Variants in BSND observed in about 807,000 individuals in gnomAD.
BSND encodes the protein barttin CLCNK type accessory subunit beta, also known as barttin.
In BSND, 13 loss-of-function variants were observed where a neutral mutation model predicts 18.8. That is an observed-to-expected ratio of 0.69 (90% CI 0.45 to 1.10). The LOEUF is 1.10. BSND is among the 50% of genes least tolerant of loss of function. The probability of loss-of-function intolerance (pLI) is 0.00; values close to 1 mark genes in which losing one functional copy is unlikely to be tolerated. For missense variants in BSND, 379 were observed against 416.7 expected (o/e 0.91, Z 0.79); for synonymous variants, 170 against 161.8 (o/e 1.05, Z -0.39).
intron 2 of BSND, among the ~76,000 whole-genome samples, chr1:55,006,230 G>A (rs1053370920): frequency 4.6e-5 from 7 of 152,200 alleles, no homozygotes; most frequent in Non-Finnish European, 1.0e-4. Context: ...CCAGAGCTCC[G>A]TCTCAGGGCC....
In BSND at chr1:55,008,624, G is replaced by A. The variant is rs895072929; in HGVS notation, c.959G>A (p.Gly320Asp). 1 of 1,614,018 alleles carries A rather than the reference G, an allele frequency of 6.2e-7. No individual in the cohort carries two copies. Among genetic ancestry groups the A allele is most frequent in the African/African-American group, 1.3e-5 (1 of 74,922 alleles). The change falls in exon 4 of 4, where the codon GGC becomes GAC. Residue 320 changes from glycine (G) to aspartate (D), a missense_variant. Transcript: ENST00000651561. ...CTGGGTTTTGAGCCTGACACCCAAG[G>A]CTGAGATGTTTGTGCTCCGTAGCTT... ...KELGFEPDTQ[G>D]
chr1:55,006,579 A>G (rs1004716033), intron 2 of BSND, among the ~76,000 whole-genome samples: 1 of 152,190 alleles, frequency 6.6e-6, no homozygotes, highest in Non-Finnish European at 1.5e-5. Flanking sequence ...ATTGCTGGGT[A>G]TGTCCTCATC....
intron 1 of BSND, among the ~76,000 whole-genome samples, chr1:55,000,606 C>T (rs1202530710): frequency 6.6e-6 from 1 of 152,266 alleles, no homozygotes; most frequent in East Asian, 1.9e-4. Flanking sequence ...GGGGATGGCT[C>T]CCTGGGGCCT....
At position 54,999,239 on chromosome 1, in the gene BSND, T is replaced by C; in HGVS notation, c.53T>C (p.Leu18Pro). 1.9e-6 allele frequency: 3 copies of C among 1,614,186 alleles called. No individual in the cohort carries two copies. Among genetic ancestry groups the C allele is most frequent in the Non-Finnish European group, 2.5e-6 (3 of 1,180,022 alleles). ...GGCTTCATTGTGCTGGGGCTTTTCC[T>C]GCTGGCCCTCGGTACGTTCCTCATG... is the stretch of plus-strand genomic sequence containing the variant. The part of the protein sequence containing the change: ...RIGFIVLGLF[L>P]LALGTFLMSH... Residue 18 changes from leucine (L) to proline (P), a missense_variant, in exon 1 of 4, where the codon CTG becomes CCG. By Grantham distance (98) the Leu-to-Pro change is moderately conservative. Transcript: ENST00000651561.
At position 54,999,329 on chromosome 1, in the gene BSND, G is replaced by A; in HGVS notation, c.143G>A (p.Gly48Asp). The A allele has an allele frequency of 6.2e-7, 1 of 1,612,970 alleles. No individual in the cohort carries two copies. Among genetic ancestry groups the A allele is most frequent in the Non-Finnish European group, 8.5e-7 (1 of 1,179,158 alleles). ...ATGGGCAGCGTCATGGTGATCGGGGGCATCATCTGGAGCATGTGCCAGTGC... is the reference window on the plus strand; with the variant it reads ...ATGGGCAGCGTCATGGTGATCGGGGACATCATCTGGAGCATGTGCCAGTGC... ...YAMGSVMVIG[G>D]IIWSMCQCYP... The change falls in exon 1 of 4, where the codon GGC (glycine) becomes GAC (aspartate). Residue 48 changes from glycine to aspartate, a missense_variant. Coordinates refer to ENST00000651561, the MANE Select transcript of BSND (RefSeq NM_057176.3).
In BSND at chr1:55,016,272, A is replaced by G. The variant is rs1413636530; in HGVS notation, c.*7644A>G. On this transcript the variant is annotated 3_prime_UTR_variant, in exon 4 of 4. Transcript: ENST00000651561. ...AGAGAGAGAGAACTAGAAATCAGAC[A>G]GGAAAAGAAAGGGAATTCATCCACT... Among the ~76,000 whole-genome samples, 1 of 152,242 alleles carries G rather than the reference A, an allele frequency of 6.6e-6. No individual in the cohort carries two copies. Among genetic ancestry groups the G allele is most frequent in the Non-Finnish European group, 1.5e-5 (1 of 68,038 alleles).
chr1:55,008,482 A>G lies in BSND; in HGVS notation c.817A>G (p.Thr273Ala). 1.2e-6 allele frequency: 2 copies of G among 1,614,200 alleles called. No homozygotes were observed. Among genetic ancestry groups the G allele is most frequent in the Middle Eastern group, 1.6e-4 (1 of 6,062 alleles). The change falls in exon 4 of 4, where the codon ACA becomes GCA. Residue 273 changes from threonine to alanine, a missense_variant. Transcript: ENST00000651561. ...LPNNWQRYPRTKVEEKEASDT... is the reference protein window; with the variant it reads ...LPNNWQRYPRAKVEEKEASDT... ...CAACAACTGGCAGCGGTACCCAAGG[A>G]CAAAGGTGGAGGAGAAGGAGGCTTC... is the stretch of plus-strand genomic sequence containing the variant.
At chr1:55,000,347 A>C (rs1047153414) in intron 1 of BSND, among the ~76,000 whole-genome samples, 1 of 151,994 alleles carries the variant, frequency 6.6e-6, no homozygotes, top group Non-Finnish European at 1.5e-5. Context: ...AAAGGAGGGA[A>C]ATAGGGACTC....
rs758111009 is a variant in BSND, at chr1:55,007,135, G to A, written c.411G>A (p.Gly137=). Residue 137 remains glycine (G), a synonymous_variant, in exon 3 of 4, where the codon GGG becomes GGA. Coordinates refer to ENST00000651561, the MANE Select transcript of BSND (RefSeq NM_057176.3). ...GCTCCTTGCTGGCCCCTGAGATGGG[G>A]CAGCCGAAGCTGGGAACCAGTGATG... ...DHRSLLAPEM[G]QPKLGTSDGG... 18 of 1,614,098 alleles carry A rather than the reference G, an allele frequency of 1.1e-5. No individual in the cohort carries two copies. The highest frequency in any genetic ancestry group is 1.6e-4 in the Middle Eastern group (1 of 6,082).
At position 55,008,471 on chromosome 1, in the gene BSND, G is replaced by A. The variant is rs199832638; in HGVS notation, c.806G>A (p.Arg269Gln). ...WEIALPNNWQ[R>Q]YPRTKVEEKE... The stretch of plus-strand genomic sequence containing the variant: ...ATAGCCCTGCCCAACAACTGGCAGC[G>A]GTACCCAAGGACAAAGGTGGAGGAG... Residue 269 changes from arginine (R) to glutamine (Q), a missense_variant, in exon 4 of 4, where the codon CGG (arginine) becomes CAG (glutamine). Physicochemically the swap from Arg to Gln is conservative, Grantham distance 43. Coordinates refer to ENST00000651561, the MANE Select transcript of BSND (RefSeq NM_057176.3). 1.4e-4 allele frequency: 224 copies of A among 1,614,042 alleles called. No homozygotes were observed. The Middle Eastern group carries it at 2.5e-3, about 18-fold the overall frequency.
intron 2 of BSND, among the ~76,000 whole-genome samples, chr1:55,005,556 G>A (rs4926667): frequency 0.055 from 8,375 of 152,218 alleles, 605 homozygotes; most frequent in African/African-American, 0.17. Flanking sequence ...TCTTTGCCTC[G>A]TCTGTAAAAT....
Position 55,007,391 on chromosome 1 carries a change from G to A in BSND, c.548+119G>A. ...TGGGGGTAAGGAGAGGGCAGTGGAG[G>A]GTGTGGGACACCCTGAGATGTGGCA... On this transcript the variant is annotated intron_variant, in intron 3 of 3. Coordinates refer to ENST00000651561, the MANE Select transcript of BSND (RefSeq NM_057176.3). The A allele has an allele frequency of 4.5e-6, 6 of 1,324,364 alleles. 1 individual carries two copies. The South Asian group carries it at 9.3e-5, about 20-fold the overall frequency. 82.0% of individuals were successfully genotyped at this position (1,324,364 alleles called of 1,614,324 possible). A position where few individuals can be genotyped will look rare whatever the true frequency, so the allele number is the denominator to read the frequency against.
rs148785846 is a variant in BSND, at chr1:55,015,084, T to C, written c.*6456T>C. On this transcript the variant is annotated 3_prime_UTR_variant, in exon 4 of 4. Transcript: ENST00000651561. The stretch of plus-strand genomic sequence containing the variant: ...TGTTCTGATGGGCAAGGGGGATTAA[T>C]TGATGATTCTTGAGCAGAGGAGTGA... Among the ~76,000 whole-genome samples the C allele has an allele frequency of 8.6e-3, 1,308 of 152,240 alleles. 18 individuals carry two copies. Among genetic ancestry groups the C allele is most frequent in the African/African-American group, 0.023 (964 of 41,532 alleles).
intron 1 of BSND, among the ~76,000 whole-genome samples, chr1:54,999,673 C>T (rs1390958404): frequency 3.3e-5 from 5 of 152,142 alleles, no homozygotes; most frequent in African/African-American, 4.8e-5. Flanking sequence ...AGCTAATGAG[C>T]GCTGACCCCC....
chr1:55,006,931 C>A (rs1644394183), intron 2 of BSND, 66 bp from the exon 3 acceptor site: 1 of 1,608,668 alleles, frequency 6.2e-7, no homozygotes, highest in African/African-American at 1.3e-5. Context: ...GCAAACAGGG[C>A]CGGGGAGAAC....
intron 1 of BSND, among the ~76,000 whole-genome samples, chr1:55,002,454 C>T (rs1313199968): frequency 6.6e-6 from 1 of 152,226 alleles, no homozygotes; most frequent in African/African-American, 2.4e-5. Context: ...GTGCTGGAGA[C>T]CAGGACCAGG....
chr1:55,002,881 G>C (rs976621857), intron 1 of BSND, among the ~76,000 whole-genome samples: 1 of 1,326 alleles, frequency 7.5e-4, no homozygotes, highest in Non-Finnish European at 2.6e-3. Flanking sequence ...GGTGAGGATG[G>C]TGATGGTGAC....
chr1:55,007,361 G>C (rs1644396938), intron 3 of BSND, 89 bp downstream of exon 3: 20 of 709,320 alleles, frequency 2.8e-5, no homozygotes, highest in East Asian at 1.1e-4. Context: ...GGTGGGTGGG[G>C]ACACTGGGGG....
chr1:55,005,507 G>A (rs935298826), intron 2 of BSND, among the ~76,000 whole-genome samples: 1 of 152,232 alleles, frequency 6.6e-6, no homozygotes, highest in South Asian at 2.1e-4. Context: ...GGGCTTTGCC[G>A]CCTACTCGCT....
Sources: allele counts gnomAD v4.1 joint callset (sites outside exome capture counted in the v4.1 genomes callset), GRCh38; gene constraint gnomAD v4.1.1; transcripts MANE v1.5; gene names NCBI Gene and HGNC (gene_info 2026-07-23, HGNC 2026-07-21).